USP28: variants seen among roughly 807,000 people sequenced by gnomAD.
The protein encoded by USP28 is ubiquitin carboxyl-terminal hydrolase 28.
In USP28, 113 loss-of-function variants were observed where a neutral mutation model predicts 145.0. The ratio of observed to expected loss-of-function variants is 0.78; its 90% CI spans 0.67 to 0.91. The LOEUF is 0.91. USP28 is among the 40% of genes least tolerant of loss of function. USP28 has a pLI of 0.00. For missense variants in USP28, 1,201 were observed against 1,289.6 expected, an observed-to-expected ratio of 0.93 and a Z score of 1.05; for synonymous variants, 447 against 450.9, an observed-to-expected ratio of 0.99 and a Z score of 0.11.
chr11:113,810,740 T>C (rs1317311550), intron 16 of USP28, among the ~76,000 whole-genome samples: 1 of 152,242 alleles, frequency 6.6e-6, no homozygotes, highest in Non-Finnish European at 1.5e-5. Flanking sequence ...AGTGGCACGA[T>C]CTCAGCTCAC....
At position 113,823,579 on chromosome 11, in the gene USP28, TAAGCATGAAGGTGTCCAA is replaced by T. The variant is rs780630683; in HGVS notation, c.1283+8_1283+25del. 18 of 1,483,354 alleles carry T rather than the reference TAAGCATGAAGGTGTCCAA, an allele frequency of 1.2e-5. No homozygotes were observed. The Admixed American group carries it at 1.7e-4, about 14-fold the overall frequency. The allele number at this position is 1,483,354 out of a possible 1,614,324, so 91.9% of individuals were successfully genotyped here. A position where few individuals can be genotyped will look rare whatever the true frequency, so the allele number is the denominator to read the frequency against. On this transcript the variant is annotated splice_region_variant and intron_variant, in intron 12 of 24. Transcript: ENST00000003302. Reference sequence around the variant, plus strand: ...TGTTTTTAATATTCTTTTACATTTCTAAGCATGAAGGTGTCCAAAACTCACCTTTCCAATTTTTGCTGC... The same window carrying T: ...TGTTTTTAATATTCTTTTACATTTCTAACTCACCTTTCCAATTTTTGCTGC...
intron 23 of USP28, 117 bp downstream of exon 24, chr11:113,803,040 TG>T: frequency 8.4e-7 from 1 of 1,194,952 alleles, no homozygotes; most frequent in Non-Finnish European, 1.1e-6. Context: ...ATGAGAATTT[TG>T]GGGGGAAATC....
In USP28 at chr11:113,801,594, T is replaced by TG; in HGVS notation, c.2946_2947insC (p.Ile983HisfsTer10). 1 of 1,611,104 alleles carries TG rather than the reference T, an allele frequency of 6.2e-7. No individual in the cohort carries two copies. The highest frequency in any genetic ancestry group is 8.5e-7 in the Non-Finnish European group (1 of 1,177,688). ...ATGATAAGGTGAATGCAGGGGATGA[T>TG]CAGTTCATTCATCACATTAATGCCC... is the stretch of plus-strand genomic sequence containing the variant. On this transcript the variant is annotated frameshift_variant, in exon 24 of 25. Coordinates refer to ENST00000003302, the Ensembl canonical transcript of USP28. LOFTEE classifies it high-confidence loss of function.
At chr11:113,867,801 AGGG>A (rs1340740140) in intron 1 of USP28, among the ~76,000 whole-genome samples, 1 of 75,368 alleles carries the variant, frequency 1.3e-5, no homozygotes, top group Non-Finnish European at 2.4e-5. Context: ...GAAAGAAGGA[AGGG>A]GGGAGGGAGG....
exon 25 of USP28, chr11:113,799,295 C>A (rs777919556): frequency 6.2e-7 from 1 of 1,614,014 alleles, no homozygotes; most frequent in South Asian, 1.1e-5. Context: ...AGCTGCAAAT[C>A]GGCTACATAG....
At chr11:113,840,472 G>T in intron 5 of USP28, 126 bp downstream of exon 5, 1 of 1,219,056 alleles carries the variant, frequency 8.2e-7, no homozygotes. Context: ...ACACAATAAT[G>T]CCAGAAAAAC....
At chr11:113,855,979 C>G (rs1037618607) in intron 1 of USP28, among the ~76,000 whole-genome samples, 7 of 152,148 alleles carry the variant, frequency 4.6e-5, no homozygotes, top group Non-Finnish European at 1.0e-4. Flanking sequence ...AGACTATAGT[C>G]ATAGGCTACA....
At chr11:113,824,712 C>A (rs1395303665) in intron 11 of USP28, among the ~76,000 whole-genome samples, 1 of 151,490 alleles carries the variant, frequency 6.6e-6, no homozygotes, top group Non-Finnish European at 1.5e-5. Flanking sequence ...AGGCGGATTA[C>A]CTGAGGACGG....
intron 1 of USP28, 59 bp from the exon 2 acceptor site, chr11:113,854,394 A>T: frequency 1.3e-6 from 2 of 1,497,232 alleles, no homozygotes; most frequent in Non-Finnish European, 1.9e-6. Flanking sequence ...ACCTGGGTAC[A>T]TTTAAAGAAT....
exon 11 of USP28, chr11:113,827,254 G>A: frequency 6.2e-7 from 1 of 1,610,040 alleles, no homozygotes; most frequent in Non-Finnish European, 8.5e-7. Flanking sequence ...AATAATCTGA[G>A]GAAATTCCAG....
chr11:113,851,784 C>CA (rs796520144), intron 3 of USP28, among the ~76,000 whole-genome samples: 9,291 of 92,762 alleles, frequency 0.1, 373 homozygotes, highest in African/African-American at 0.13. Context: ...GACTCCATCT[C>CA]AAAAAAAAAA....
chr11:113,841,635 G>A (rs1246247976), intron 4 of USP28, 28 bp downstream of exon 4: 10 of 1,482,704 alleles, frequency 6.7e-6, no homozygotes, highest in Non-Finnish European at 9.3e-6. Flanking sequence ...AAATGTGGGG[G>A]GCAAGAATTA....
intron 1 of USP28, among the ~76,000 whole-genome samples, chr11:113,858,052 C>T (rs756158767): frequency 2.6e-5 from 4 of 152,070 alleles, no homozygotes; most frequent in Non-Finnish European, 5.9e-5. Flanking sequence ...TTTTAGTAGA[C>T]ATGGGGTTTC....
intron 5 of USP28, chr11:113,835,364 T>G (rs1257442393): frequency 2.2e-6 from 1 of 454,266 alleles, no homozygotes; most frequent in Admixed American, 2.4e-5. Flanking sequence ...GAATTAGAAC[T>G]AAATAAAACA....
chr11:113,847,400 A>C (rs904328932), intron 3 of USP28, among the ~76,000 whole-genome samples: 2 of 136,596 alleles, frequency 1.5e-5, no homozygotes, highest in Non-Finnish European at 3.1e-5. Flanking sequence ...GAAAACTGAC[A>C]TAACAAAGGA....
intron 1 of USP28, among the ~76,000 whole-genome samples, chr11:113,856,969 G>A (rs1947113726): frequency 6.6e-6 from 1 of 152,152 alleles, no homozygotes; most frequent in South Asian, 2.1e-4. Context: ...TGATTACTTA[G>A]TAGTGCAATC....
rs1241223721 is a variant in USP28, at chr11:113,874,783, C to G, written c.57+662G>C. 2.7e-6 allele frequency: 3 copies of G among 1,121,488 alleles called. No homozygotes were observed. In the African/African-American group the frequency reaches 4.9e-5, roughly 18 times the overall value. 69.5% of individuals were successfully genotyped at this position (1,121,488 alleles called of 1,614,324 possible). A position where few individuals can be genotyped will look rare whatever the true frequency, so the allele number is the denominator to read the frequency against. On this transcript the variant is annotated intron_variant, in intron 1 of 24. Transcript: ENST00000003302. Reference sequence around the variant, plus strand: ...CTCACCAGATTCTTAGATCAGAAGTCCTTATATTGATTTCAATCTTCTTAG... The same window carrying G: ...CTCACCAGATTCTTAGATCAGAAGTGCTTATATTGATTTCAATCTTCTTAG...
chr11:113,817,858 T>C, intron 12 of USP28, 21 bp from the exon 13 acceptor site: 1 of 1,611,380 alleles, frequency 6.2e-7, no homozygotes. Context: ...AAGACAGTGG[T>C]ACTCTACTGC....
intron 8 of USP28, 170 bp from the exon 9 acceptor site, chr11:113,831,113 C>G (rs1330845117): frequency 1.6e-6 from 1 of 623,990 alleles, no homozygotes; most frequent in African/African-American, 1.8e-5. Context: ...TATTGAACAC[C>G]TTCTTTCGAG....
Sources: allele counts gnomAD v4.1 joint callset (sites outside exome capture counted in the v4.1 genomes callset), GRCh38; gene constraint gnomAD v4.1.1; transcripts MANE v1.5; gene names NCBI Gene and HGNC (gene_info 2026-07-23, HGNC 2026-07-21).